STXBP5L: variants seen among roughly 807,000 people sequenced by gnomAD.
STXBP5L encodes syntaxin binding protein 5L, also known as syntaxin-binding protein 5-like.
In STXBP5L, 65 loss-of-function variants were observed where a neutral mutation model predicts 144.5. The observed-to-expected ratio is 0.45, with a 90% CI of 0.37 to 0.55. STXBP5L has a LOEUF of 0.55. Ranked by LOEUF, STXBP5L falls within the 20% of genes least tolerant of loss-of-function variation. STXBP5L has a pLI of 0.00. For synonymous variants in STXBP5L, 505 were observed against 469.6 expected (o/e 1.08, Z -0.97); for missense variants, 1,298 against 1,405.5 (o/e 0.92, Z 1.22).
chr3:121,415,821 GT>G (rs747200432), intron 24 of STXBP5L, 35 bp from the exon 25 acceptor site: 16 of 1,443,566 alleles, frequency 1.1e-5, no homozygotes, highest in Middle Eastern at 3.6e-4. Flanking sequence ...TGATTTTTTA[GT>G]TGTTCTAATG....
intron 20 of STXBP5L, among the ~76,000 whole-genome samples, chr3:121,338,005 A>G (rs554160210): frequency 2.6e-5 from 4 of 152,308 alleles, no homozygotes; most frequent in African/African-American, 9.6e-5. Context: ...CTTTAAAGTG[A>G]ATGATAATAG....
chr3:121,187,477 G>A (rs1312323624), intron 9 of STXBP5L, among the ~76,000 whole-genome samples: 2 of 151,272 alleles, frequency 1.3e-5, no homozygotes, highest in Non-Finnish European at 2.9e-5. Flanking sequence ...GTTAATGGGT[G>A]CAGCATACCA....
At chr3:120,959,350 C>A (rs890882346) in intron 3 of STXBP5L, among the ~76,000 whole-genome samples, 2 of 152,126 alleles carry the variant, frequency 1.3e-5, no homozygotes, top group South Asian at 2.1e-4. Context: ...AGATTCAATG[C>A]CATCCCCATC....
chr3:120,964,477 G>A (rs1180217927), intron 3 of STXBP5L, among the ~76,000 whole-genome samples: 1 of 152,072 alleles, frequency 6.6e-6, no homozygotes, highest in Non-Finnish European at 1.5e-5. Context: ...TTGTGTCTTT[G>A]TTCTCATTGG....
chr3:121,178,550 A>G (rs762509652), intron 9 of STXBP5L, among the ~76,000 whole-genome samples: 13 of 152,340 alleles, frequency 8.5e-5, no homozygotes, highest in Admixed American at 3.3e-4. Flanking sequence ...ACTGGTTTAT[A>G]TAAAAACTCT....
chr3:121,294,051 T>C (rs2108471884), intron 19 of STXBP5L, among the ~76,000 whole-genome samples: 1 of 152,344 alleles, frequency 6.6e-6, no homozygotes, highest in East Asian at 1.9e-4. Flanking sequence ...CAAGAAATTA[T>C]ATTTTAATTT....
chr3:121,044,929 C>T (rs1947406904), intron 4 of STXBP5L, among the ~76,000 whole-genome samples: 2 of 151,916 alleles, frequency 1.3e-5, no homozygotes, highest in Non-Finnish European at 2.9e-5. Context: ...GCTTCTTGGA[C>T]TATAAGAAGC....
intron 3 of STXBP5L, among the ~76,000 whole-genome samples, chr3:121,004,593 T>G (rs1158359737): frequency 6.6e-6 from 1 of 151,994 alleles, no homozygotes; most frequent in Admixed American, 6.6e-5. Flanking sequence ...CTATGTTGAA[T>G]AGGAGTGGTG....
intron 9 of STXBP5L, among the ~76,000 whole-genome samples, chr3:121,164,322 G>A (rs911753962): frequency 1.3e-5 from 2 of 152,118 alleles, no homozygotes; most frequent in Admixed American, 1.3e-4. Context: ...CTATTAGGAT[G>A]GCTGTTATCA....
chr3:121,343,048 G>A (rs925508668), intron 20 of STXBP5L, among the ~76,000 whole-genome samples: 1 of 152,014 alleles, frequency 6.6e-6, no homozygotes, highest in African/African-American at 2.4e-5. Context: ...TCTAACTGTT[G>A]TGAAATGGTA....
intron 3 of STXBP5L, among the ~76,000 whole-genome samples, chr3:120,957,361 C>A (rs11715330): frequency 2.6e-5 from 4 of 151,892 alleles, no homozygotes; most frequent in African/African-American, 4.8e-5. Context: ...ATATGCTGAA[C>A]CATTCATGAA....
chr3:121,382,173 A>G (rs1209471898), intron 22 of STXBP5L, among the ~76,000 whole-genome samples: 4 of 151,726 alleles, frequency 2.6e-5, no homozygotes, highest in Non-Finnish European at 5.9e-5. Context: ...CACTAATTTT[A>G]TTGTTTCCCT....
At chr3:121,348,060 T>G (rs1298483305) in intron 20 of STXBP5L, among the ~76,000 whole-genome samples, 2 of 152,242 alleles carry the variant, frequency 1.3e-5, no homozygotes, top group Non-Finnish European at 2.9e-5. Flanking sequence ...ATGCTTCCAG[T>G]TTTTGCCCAT....
chr3:121,047,649 G>A (rs1947615594), intron 5 of STXBP5L, among the ~76,000 whole-genome samples: 1 of 151,960 alleles, frequency 6.6e-6, no homozygotes, highest in African/African-American at 2.4e-5. Context: ...CTTAAAGTAT[G>A]TTTTGTCTGA....
chr3:120,955,105 A>G (rs575261401), intron 3 of STXBP5L, 68 bp downstream of exon 3: 488 of 1,130,882 alleles, frequency 4.3e-4, no homozygotes, highest in Non-Finnish European at 6.1e-4. Context: ...ATATTCAGGT[A>G]AGATAAATAT....
chr3:121,083,238 T>G (rs1229806568), intron 5 of STXBP5L, among the ~76,000 whole-genome samples: 2 of 152,096 alleles, frequency 1.3e-5, no homozygotes, highest in Non-Finnish European at 1.5e-5. Context: ...ACTTTTACAT[T>G]TCTATTCATC....
At chr3:121,202,278 A>C (rs2048169130) in intron 9 of STXBP5L, among the ~76,000 whole-genome samples, 1 of 152,166 alleles carries the variant, frequency 6.6e-6, no homozygotes, top group Non-Finnish European at 1.5e-5. Context: ...GTTGCTGTAG[A>C]TTCAAATTAC....
At chr3:121,313,238 C>T (rs71618063) in intron 19 of STXBP5L, among the ~76,000 whole-genome samples, 54,474 of 111,546 alleles carry the variant, frequency 0.49, 10,127 homozygotes, top group East Asian at 0.68. Context: ...ACCTCCCTCC[C>T]GGACGGGGCG....
intron 22 of STXBP5L, among the ~76,000 whole-genome samples, chr3:121,385,152 T>A (rs1423209675): frequency 6.6e-6 from 1 of 152,116 alleles, no homozygotes; most frequent in African/African-American, 2.4e-5. Context: ...TTCATTGCTA[T>A]AAATGAATAC....
Sources: allele counts gnomAD v4.1 joint callset (sites outside exome capture counted in the v4.1 genomes callset), GRCh38; gene constraint gnomAD v4.1.1; transcripts MANE v1.5; gene names NCBI Gene and HGNC (gene_info 2026-07-23, HGNC 2026-07-21).